The following MAP2K4 variants were observed in gnomAD, a reference collection of about 807,000 sequenced individuals.
MAP2K4 encodes mitogen-activated protein kinase kinase 4, also known as dual specificity mitogen-activated protein kinase kinase 4.
MAP2K4 carries 4 observed loss-of-function variants against 48.5 expected under a neutral mutation model. That is an observed-to-expected ratio of 0.08 (90% CI 0.04 to 0.19). MAP2K4 has a LOEUF of 0.19. Among genes scored for constraint, MAP2K4 ranks in the 10% least tolerant of loss-of-function variants. MAP2K4 has a pLI of 1.00. For synonymous variants in MAP2K4, 166 were observed against 173.1 expected (o/e 0.96, Z 0.32); for missense variants, 258 against 493.3 (o/e 0.52, Z 4.52).
chr17:12,040,944 A>C (rs1159538114), intron 1 of MAP2K4, among the ~76,000 whole-genome samples: 3 of 152,174 alleles, frequency 2.0e-5, no homozygotes, highest in African/African-American at 7.2e-5. Flanking sequence ...TCTCTCTCAT[A>C]ATGTTCTACA....
At chr17:12,059,670 A>G (rs1165743466) in intron 2 of MAP2K4, among the ~76,000 whole-genome samples, 1 of 152,192 alleles carries the variant, frequency 6.6e-6, no homozygotes, top group Non-Finnish European at 1.5e-5. Context: ...GATTTCCCTT[A>G]TCTTTGTTTA....
At chr17:12,077,993 C>T (rs1327294620) in intron 2 of MAP2K4, among the ~76,000 whole-genome samples, 1 of 152,184 alleles carries the variant, frequency 6.6e-6, no homozygotes, top group East Asian at 1.9e-4. Flanking sequence ...AGGGCCCCAC[C>T]CTTCATTAAC....
chr17:12,110,153 TTTTG>T lies in MAP2K4; in HGVS notation c.634-213_634-210del, dbSNP rs370921903. 8.1e-4 allele frequency among the ~76,000 whole-genome samples: 123 copies of T among 152,274 alleles called. 2 individuals are homozygous for T. The highest frequency in any genetic ancestry group is 1.1e-3 in the African/African-American group (46 of 41,572). ...AATTATAAGTCTAAGTTACTGGGTT[TTTTG>T]TTTGTTTGAGCTATCAGGGAACAGC... On this transcript the variant is annotated intron_variant, in intron 5 of 10. Coordinates refer to ENST00000353533, the MANE Select transcript of MAP2K4 (RefSeq NM_003010.4).
chr17:12,027,592 T>G (rs1239725739), intron 1 of MAP2K4, among the ~76,000 whole-genome samples: 1 of 152,174 alleles, frequency 6.6e-6, no homozygotes, highest in African/African-American at 2.4e-5. Flanking sequence ...CAGATGTATA[T>G]ATATCTGACA....
chr17:12,036,292 A>G (rs1263203359), intron 1 of MAP2K4, among the ~76,000 whole-genome samples: 1 of 152,208 alleles, frequency 6.6e-6, no homozygotes, highest in Non-Finnish European at 1.5e-5. Flanking sequence ...ATGTAGAGTT[A>G]TAAGTGTAGA....
At chr17:12,137,811 T>C (rs1973251947) in intron 9 of MAP2K4, among the ~76,000 whole-genome samples, 1 of 152,164 alleles carries the variant, frequency 6.6e-6, no homozygotes, top group African/African-American at 2.4e-5. Context: ...TAAATTTAAA[T>C]ATAAATTTAA....
chr17:12,113,328 A>T lies in MAP2K4; in HGVS notation c.781A>T (p.Thr261Ser). Residue 261 changes from threonine (T) to serine (S), a missense_variant, in exon 7 of 11, where the codon ACA (threonine) becomes TCA (serine). Thr to Ser is a moderately conservative substitution (Grantham distance 58). Around this residue, in one of 3 missense-constraint regions of MAP2K4, gnomAD observed 132 missense variants for 352.8 expected, o/e 0.37. Transcript: ENST00000353533. Reference sequence around the variant, plus strand: ...ACAGCTTGTGGACTCTATTGCCAAGACAAGAGATGCTGGCTGTAGGCCATA... The same window carrying T: ...ACAGCTTGTGGACTCTATTGCCAAGTCAAGAGATGCTGGCTGTAGGCCATA... ...SGQLVDSIAK[T>S]RDAGCRPYMA... 6.2e-7 allele frequency: 1 copy of T among 1,613,794 alleles called. No homozygotes were observed. The highest frequency in any genetic ancestry group is 8.5e-7 in the Non-Finnish European group (1 of 1,179,762).
chr17:12,138,056 C>G (rs1214210472), intron 9 of MAP2K4, among the ~76,000 whole-genome samples: 1 of 152,066 alleles, frequency 6.6e-6, no homozygotes, highest in Non-Finnish European at 1.5e-5. Context: ...ACAATAGTTG[C>G]AGGAAAAAGT....
chr17:12,054,720 T>C (rs1970236269), intron 1 of MAP2K4, among the ~76,000 whole-genome samples, 169 bp from the exon 2 acceptor site: 1 of 152,176 alleles, frequency 6.6e-6, no homozygotes, highest in Non-Finnish European at 1.5e-5. Flanking sequence ...TAGATTATTT[T>C]ATTTTTTCTT....
At chr17:12,064,075 A>G (rs933555845) in intron 2 of MAP2K4, among the ~76,000 whole-genome samples, 8 of 151,956 alleles carry the variant, frequency 5.3e-5, no homozygotes, top group Non-Finnish European at 1.2e-4. Context: ...CACAATGTAT[A>G]TATATATATC....
chr17:12,068,753 T>A (rs543590369), intron 2 of MAP2K4, among the ~76,000 whole-genome samples: 10 of 146,250 alleles, frequency 6.8e-5, no homozygotes, highest in African/African-American at 2.0e-4. Context: ...ATATATATAT[T>A]ATATATATAT....
At chr17:12,083,312 A>G (rs1429147315) in intron 3 of MAP2K4, among the ~76,000 whole-genome samples, 4 of 152,260 alleles carry the variant, frequency 2.6e-5, no homozygotes, top group African/African-American at 7.2e-5. Flanking sequence ...GTAGGAATTC[A>G]AGAATGAAAA....
At chr17:12,057,164 C>A (rs1020437330) in intron 2 of MAP2K4, among the ~76,000 whole-genome samples, 3 of 151,966 alleles carry the variant, frequency 2.0e-5, no homozygotes, top group African/African-American at 7.2e-5. Context: ...CAAGAAATGA[C>A]AATTGGCTGT....
At chr17:12,095,221 T>C (rs1456835836) in intron 3 of MAP2K4, among the ~76,000 whole-genome samples, 1 of 152,214 alleles carries the variant, frequency 6.6e-6, no homozygotes, top group Non-Finnish European at 1.5e-5. Flanking sequence ...CTACCTATAA[T>C]TATTCATATG....
chr17:12,115,579 T>C, intron 7 of MAP2K4: 1 of 709,428 alleles, frequency 1.4e-6, no homozygotes, highest in Non-Finnish European at 2.6e-6. Flanking sequence ...AGGAGACTGC[T>C]TTTGTTGTTG....
chr17:12,121,058 G>A lies in MAP2K4; in HGVS notation c.814-4236G>A, dbSNP rs146764809. On this transcript the variant is annotated intron_variant, in intron 7 of 10. Transcript: ENST00000353533. ...TTAATAGCATGTAAATTCCGAGTCC[G>A]GAATGATGGTGATGCCCAGCAACCA... Among the ~76,000 whole-genome samples the A allele has an allele frequency of 4.2e-3, 642 of 152,282 alleles. 1 individual carries two copies. Among genetic ancestry groups the A allele is most frequent in the East Asian group, 0.036 (187 of 5,182 alleles).
chr17:12,141,450 C>G lies in MAP2K4; in HGVS notation c.*190C>G. On this transcript the variant is annotated 3_prime_UTR_variant, in exon 11 of 11. Coordinates refer to ENST00000353533, the MANE Select transcript of MAP2K4 (RefSeq NM_003010.4). ...CATCCTTGTAATACCTGATTGATCACACAGTGTTAGTGCTGGTCAGAGAGA... is the reference window on the plus strand; with the variant it reads ...CATCCTTGTAATACCTGATTGATCAGACAGTGTTAGTGCTGGTCAGAGAGA... The G allele has an allele frequency of 1.6e-6, 1 of 607,270 alleles. No individual in the cohort carries two copies. Among genetic ancestry groups the G allele is most frequent in the Non-Finnish European group, 2.9e-6 (1 of 339,202 alleles). 37.6% of individuals were successfully genotyped at this position (607,270 alleles called of 1,614,324 possible).
At chr17:12,091,536 G>A (rs1216652705) in intron 3 of MAP2K4, among the ~76,000 whole-genome samples, 1 of 152,124 alleles carries the variant, frequency 6.6e-6, no homozygotes, top group Non-Finnish European at 1.5e-5. Flanking sequence ...TGGACTGACA[G>A]TTTTAGAAAA....
chr17:12,129,295 CCTGATTTATGAATGGTCGAA>C lies in MAP2K4; in HGVS notation c.1040+10_1040+29del. 6.2e-7 allele frequency: 1 copy of C among 1,614,152 alleles called. No individual in the cohort carries two copies. Among genetic ancestry groups the C allele is most frequent in the Non-Finnish European group, 8.5e-7 (1 of 1,180,004 alleles). ...CAACTTTGTCAACTTGTGGTGAGTA[CCTGATTTATGAATGGTCGAA>C]CACGCATGGCGAGAATAGTGAGATT... On this transcript the variant is annotated intron_variant, in intron 9 of 10. Coordinates refer to ENST00000353533, the MANE Select transcript of MAP2K4 (RefSeq NM_003010.4).
Sources: gnomAD v4.1 joint callset for allele counts (sites outside exome capture counted in the v4.1 genomes callset) on GRCh38, gnomAD v4.1.1 for gene constraint, gnomAD v4.1.1 regional missense constraint, MANE v1.5 for transcripts, NCBI Gene and HGNC (gene_info 2026-07-23, HGNC 2026-07-21) for gene names.